The following EIPR1 variants were observed in gnomAD, a reference collection of about 807,000 sequenced individuals.
EIPR1 encodes the protein EARP and GARP complex-interacting protein 1.
In EIPR1, 25 loss-of-function variants were observed where a neutral mutation model predicts 48.1. The observed-to-expected ratio is 0.52, with a 90% CI of 0.38 to 0.73. The LOEUF (loss-of-function observed/expected upper bound fraction) is 0.73. Among genes scored for constraint, EIPR1 ranks in the 30% least tolerant of loss-of-function variants. The pLI is 0.00. For missense variants in EIPR1, 415 were observed against 506.2 expected (o/e 0.82, Z 1.73); for synonymous variants, 204 against 201.9 (o/e 1.01, Z -0.09).
chr2:3,191,186 A>T (rs1282978075), intron 8 of EIPR1, among the ~76,000 whole-genome samples: 1 of 132,462 alleles, frequency 7.5e-6, no homozygotes, highest in East Asian at 2.1e-4. Flanking sequence ...AGAGACAATC[A>T]GATGGGCCCA....
chr2:3,208,249 A>G (rs926324373), intron 5 of EIPR1: 1 of 409,448 alleles, frequency 2.4e-6, no homozygotes, highest in African/African-American at 2.0e-5. Flanking sequence ...GTTATTGATC[A>G]TTCAAGATAC....
At chr2:3,361,474 G>GAA (rs796356522) in intron 1 of EIPR1, among the ~76,000 whole-genome samples, 1 of 140,240 alleles carries the variant, frequency 7.1e-6, no homozygotes, top group Non-Finnish European at 1.6e-5. Flanking sequence ...TTTCTCCTTG[G>GAA]AAAAAAAAAA....
intron 4 of EIPR1, among the ~76,000 whole-genome samples, chr2:3,232,305 T>C (rs1369453973): frequency 6.6e-6 from 1 of 152,230 alleles, no homozygotes; most frequent in African/African-American, 2.4e-5. Context: ...ATTTCATATA[T>C]TTCTGCTCTG....
At chr2:3,367,616 A>G (rs1217099520) in intron 1 of EIPR1, among the ~76,000 whole-genome samples, 1 of 152,246 alleles carries the variant, frequency 6.6e-6, no homozygotes, top group African/African-American at 2.4e-5. Context: ...CTATTCCACA[A>G]TCAAGTGGAA....
intron 3 of EIPR1, among the ~76,000 whole-genome samples, chr2:3,337,083 A>G (rs1324016206): frequency 6.8e-6 from 1 of 146,022 alleles, no homozygotes; most frequent in South Asian, 2.2e-4. Context: ...GGAAGGGAAG[A>G]GAAAAGGGAA....
intron 3 of EIPR1, among the ~76,000 whole-genome samples, chr2:3,302,929 G>C (rs1668804110): frequency 6.6e-6 from 1 of 152,018 alleles, no homozygotes; most frequent in Non-Finnish European, 1.5e-5. Context: ...CAGGAGGGAG[G>C]GCCTGGGCAG....
At chr2:3,243,341 C>T (rs755165999) in intron 4 of EIPR1, among the ~76,000 whole-genome samples, 1 of 152,124 alleles carries the variant, frequency 6.6e-6, no homozygotes, top group Non-Finnish European at 1.5e-5. Context: ...TAAGAATTCA[C>T]AAGCAAGGCC....
At chr2:3,199,365 G>A (rs183947701) in intron 5 of EIPR1, among the ~76,000 whole-genome samples, 5 of 152,236 alleles carry the variant, frequency 3.3e-5, no homozygotes, top group African/African-American at 7.2e-5. Flanking sequence ...CTCAGCTTAC[G>A]AAGATGACGG....
intron 4 of EIPR1, among the ~76,000 whole-genome samples, chr2:3,223,027 G>A (rs1274372816): frequency 1.3e-5 from 2 of 152,182 alleles, no homozygotes. Context: ...TCTGAGCCCA[G>A]GAGCCTCAGG....
chr2:3,217,642 A>T (rs1665682836), intron 4 of EIPR1, among the ~76,000 whole-genome samples: 1 of 152,222 alleles, frequency 6.6e-6, no homozygotes, highest in Non-Finnish European at 1.5e-5. Context: ...AGATTAGTGG[A>T]GAAGCCGCCC....
intron 6 of EIPR1, 103 bp downstream of exon 6, chr2:3,196,778 C>T (rs556850188): frequency 1.7e-5 from 24 of 1,440,996 alleles, no homozygotes; most frequent in African/African-American, 1.3e-4. Flanking sequence ...ACAAACCATG[C>T]GCCCCCAAAG....
chr2:3,304,680 G>C (rs71444245), intron 3 of EIPR1, among the ~76,000 whole-genome samples: 6 of 100,016 alleles, frequency 6.0e-5, no homozygotes, highest in Non-Finnish European at 1.1e-4. Flanking sequence ...CTCCACTCCC[G>C]TCCTGTTCAA....
rs1021899975 is a variant in EIPR1, at chr2:3,189,587, C to T, written c.990-79G>A. Reference sequence around the variant, plus strand: ...GAGAGGGGCAGGGAGGACGCGAGCGCTGACATCGGGAGACACGGGAGGTAC... The same window carrying T: ...GAGAGGGGCAGGGAGGACGCGAGCGTTGACATCGGGAGACACGGGAGGTAC... On this transcript the variant is annotated intron_variant, in intron 8 of 8. Transcript: ENST00000382125. The surrounding 1 kb of genome is among the most constrained non-coding windows in gnomAD (Gnocchi z 4.6). The T allele has an allele frequency of 7.3e-7, 1 of 1,373,912 alleles. No homozygotes were observed. The highest frequency in any genetic ancestry group is 2.6e-5 in the East Asian group (1 of 38,516). The allele number at this position is 1,373,912 out of a possible 1,614,324, so 85.1% of individuals were successfully genotyped here. A position where few individuals can be genotyped will look rare whatever the true frequency, so the allele number is the denominator to read the frequency against.
At chr2:3,201,440 T>TC (rs2103116149) in intron 5 of EIPR1, among the ~76,000 whole-genome samples, 1 of 152,340 alleles carries the variant, frequency 6.6e-6, no homozygotes, top group African/African-American at 2.4e-5. Context: ...CAGCATCTCT[T>TC]CCTTCTCATT....
At position 3,192,483 on chromosome 2, in the gene EIPR1, G is replaced by A. The variant is rs1219838910; in HGVS notation, c.920C>T (p.Ser307Leu). The A allele has an allele frequency of 6.2e-6, 10 of 1,612,958 alleles. No individual in the cohort carries two copies. Among genetic ancestry groups the A allele is most frequent in the Non-Finnish European group, 8.5e-6 (10 of 1,179,820 alleles). ...VILSNMVSISSEPFGHLVDDD... is the reference protein window; with the variant it reads ...VILSNMVSISLEPFGHLVDDD... ...GTCTACCAAGTGGCCGAAGGGCTCC[G>A]ACGAGATGGACACCATGTTGGAAAG... Residue 307 changes from serine (S) to leucine (L), a missense_variant, in exon 8 of 9, where the codon TCG becomes TTG. By Grantham distance (145) the Ser-to-Leu change is moderately radical. Coordinates refer to ENST00000382125, the MANE Select transcript of EIPR1 (RefSeq NM_003310.5).
intron 4 of EIPR1, among the ~76,000 whole-genome samples, chr2:3,218,534 G>T (rs1220006476): frequency 6.8e-6 from 1 of 147,750 alleles, no homozygotes; most frequent in East Asian, 2.1e-4. Flanking sequence ...TGAGTCAGGT[G>T]CACACTCAAC....
At chr2:3,239,356 C>A (rs1355593830) in intron 4 of EIPR1, among the ~76,000 whole-genome samples, 1 of 152,210 alleles carries the variant, frequency 6.6e-6, no homozygotes, top group Non-Finnish European at 1.5e-5. Context: ...ACAGGAAATA[C>A]GGCTGGGGAA....
chr2:3,246,085 C>G (rs759588508), intron 4 of EIPR1, among the ~76,000 whole-genome samples: 1 of 152,082 alleles, frequency 6.6e-6, no homozygotes, highest in Non-Finnish European at 1.5e-5. Context: ...AAGCCAGACC[C>G]CGTCTCAAAA....
intron 5 of EIPR1, among the ~76,000 whole-genome samples, chr2:3,205,056 C>T (rs1346028567): frequency 6.6e-6 from 1 of 152,198 alleles, no homozygotes; most frequent in Admixed American, 6.5e-5. Flanking sequence ...GGACAGAGAA[C>T]AGCAGGGTGA....
Sources: gnomAD v4.1 joint callset for allele counts (sites outside exome capture counted in the v4.1 genomes callset) on GRCh38, gnomAD v4.1.1 for gene constraint, Gnocchi (gnomAD v3.1) non-coding constraint, MANE v1.5 for transcripts, NCBI Gene and HGNC (gene_info 2026-07-23, HGNC 2026-07-21) for gene names.